Variants in CSMD1 observed in about 807,000 individuals in gnomAD.
CSMD1 encodes the protein CUB and sushi domain-containing protein 1.
CSMD1 carries 213 observed loss-of-function variants against 417.5 expected under a neutral mutation model. That is an observed-to-expected ratio of 0.51 (90% CI 0.46 to 0.57). The LOEUF is 0.57. Among genes scored for constraint, CSMD1 ranks in the 20% least tolerant of loss-of-function variants. The pLI, the probability that CSMD1 is intolerant of heterozygous loss-of-function variation, is 0.00. For missense variants in CSMD1, 6,923 were observed against 4,529.7 expected, an observed-to-expected ratio of 1.53 and a Z score of -15.17; for synonymous variants, 2,862 against 1,736.8, an observed-to-expected ratio of 1.65 and a Z score of -16.11.
Position 3,795,846 on chromosome 8 carries a change from G to A in CSMD1, c.819-41804C>T, listed in dbSNP as rs574159379. On this transcript the variant is annotated intron_variant, in intron 5 of 69. Coordinates refer to ENST00000635120, the MANE Select transcript of CSMD1 (RefSeq NM_033225.6). ...TATATATCTATCATGTACAGATATA[G>A]ATATATATCTATCATGTACAGATAT... Among the ~76,000 whole-genome samples, 50 of 62,380 alleles carry A rather than the reference G, an allele frequency of 8.0e-4. 8 individuals carry two copies. The East Asian group carries it at 0.016, about 20-fold the overall frequency. The allele number at this position is 62,380 out of a possible 152,430, so 40.9% of individuals were successfully genotyped here. A position where few individuals can be genotyped will look rare whatever the true frequency, so the allele number is the denominator to read the frequency against.
intron 5 of CSMD1, among the ~76,000 whole-genome samples, chr8:3,936,226 G>A (rs1268741481): frequency 1.3e-5 from 2 of 151,446 alleles, no homozygotes; most frequent in East Asian, 3.9e-4. Context: ...AAAGGGCAAG[G>A]TAAAGCAGCA....
chr8:4,808,100 G>A (rs1399126472), intron 1 of CSMD1, among the ~76,000 whole-genome samples: 3 of 152,102 alleles, frequency 2.0e-5, no homozygotes, highest in African/African-American at 7.2e-5. Flanking sequence ...ATGCTTACTT[G>A]CAATTATGTT....
intron 1 of CSMD1, among the ~76,000 whole-genome samples, chr8:4,900,027 T>C (rs1804764545): frequency 6.6e-6 from 1 of 152,180 alleles, no homozygotes; most frequent in African/African-American, 2.4e-5. Flanking sequence ...TCTTCTCTCT[T>C]CCTCAAAATA....
chr8:3,802,311 A>T (rs939243463), intron 5 of CSMD1, among the ~76,000 whole-genome samples: 3 of 152,128 alleles, frequency 2.0e-5, no homozygotes, highest in African/African-American at 7.2e-5. Flanking sequence ...TACTATTGCC[A>T]TTTATTATAG....
intron 2 of CSMD1, among the ~76,000 whole-genome samples, chr8:4,491,958 G>A (rs192890381): frequency 2.1e-4 from 32 of 149,716 alleles, no homozygotes; most frequent in Admixed American, 4.0e-4. Context: ...CCAAAAATTG[G>A]AAGTAACCAA....
chr8:3,359,490 T>C (rs1809014937), intron 20 of CSMD1, 150 bp from the exon 21 acceptor site: 1 of 609,434 alleles, frequency 1.6e-6, no homozygotes, highest in East Asian at 2.8e-5. Context: ...TACGTGCATT[T>C]TTTTTCTTGT....
At chr8:3,122,592 G>C (rs954785943) in intron 41 of CSMD1, among the ~76,000 whole-genome samples, 4 of 152,182 alleles carry the variant, frequency 2.6e-5, no homozygotes, top group Non-Finnish European at 5.9e-5. Context: ...AATTGCATCA[G>C]AGGGTCCAAT....
intron 10 of CSMD1, among the ~76,000 whole-genome samples, chr8:3,556,710 G>A (rs1216147375): frequency 2.0e-5 from 3 of 151,872 alleles, no homozygotes; most frequent in Admixed American, 6.6e-5. Context: ...TGAAAAGTAT[G>A]ACTTAACATT....
chr8:3,940,111 C>G lies in CSMD1; in HGVS notation c.818+57792G>C, dbSNP rs146326600. ...AATGCAGATACGCCTTACACATTTT[C>G]TTTTATAAAGTAAATAGTACTACTA... On this transcript the variant is annotated intron_variant, in intron 5 of 69. Transcript: ENST00000635120. Among the ~76,000 whole-genome samples the G allele has an allele frequency of 3.3e-5, 5 of 152,134 alleles. No homozygotes were observed. In the East Asian group the frequency reaches 7.7e-4, roughly 24 times the overall value.
chr8:3,185,380 G>C (rs1027803777), intron 36 of CSMD1, among the ~76,000 whole-genome samples: 4 of 152,058 alleles, frequency 2.6e-5, no homozygotes, highest in Admixed American at 6.6e-5. Flanking sequence ...ACTATTATTA[G>C]TAAGGCATTT....
chr8:3,473,430 T>C (rs1817222256), intron 11 of CSMD1, among the ~76,000 whole-genome samples: 1 of 152,206 alleles, frequency 6.6e-6, no homozygotes. Flanking sequence ...AAAGCACTTT[T>C]TATTTTTAAA....
At chr8:4,595,387 C>CTTTTTTTTTTTTTTTTTTTTTTTTTTT in intron 2 of CSMD1, among the ~76,000 whole-genome samples, 14 of 147,406 alleles carry the variant, frequency 9.5e-5, no homozygotes, top group East Asian at 2.0e-4. Flanking sequence ...CATTCATTTT[C>CTTTTTTTTTTTTTTTTTTTTTTTTTTT]ATTCCATCCA....
intron 2 of CSMD1, among the ~76,000 whole-genome samples, chr8:4,621,562 G>C (rs934159766): frequency 2.0e-5 from 3 of 151,974 alleles, no homozygotes; most frequent in Non-Finnish European, 2.9e-5. Flanking sequence ...TTTTATTTAA[G>C]ATTTCTAAAA....
At chr8:4,775,578 A>G (rs1563353599) in intron 1 of CSMD1, among the ~76,000 whole-genome samples, 1 of 152,220 alleles carries the variant, frequency 6.6e-6, no homozygotes, top group Non-Finnish European at 1.5e-5. Flanking sequence ...AAGACAGAAT[A>G]AAAAAGATAT....
At chr8:4,268,073 T>A (rs1267703063) in intron 3 of CSMD1, among the ~76,000 whole-genome samples, 4 of 152,090 alleles carry the variant, frequency 2.6e-5, no homozygotes, top group Admixed American at 6.6e-5. Flanking sequence ...ATCCTCGCAA[T>A]CCACAAATTG....
At chr8:3,002,733 A>G (rs138454750) in intron 52 of CSMD1, among the ~76,000 whole-genome samples, 102 of 152,306 alleles carry the variant, frequency 6.7e-4, no homozygotes, top group African/African-American at 2.3e-3. Flanking sequence ...GAACCTGGCA[A>G]ACAAGGACTT....
At chr8:4,806,335 C>T (rs943447122) in intron 1 of CSMD1, among the ~76,000 whole-genome samples, 2 of 152,166 alleles carry the variant, frequency 1.3e-5, no homozygotes, top group African/African-American at 4.8e-5. Flanking sequence ...GGGAGGCTGG[C>T]TCTGTCAGTT....
chr8:3,377,607 T>C (rs1810392293), intron 18 of CSMD1, among the ~76,000 whole-genome samples: 3 of 152,278 alleles, frequency 2.0e-5, no homozygotes, highest in African/African-American at 4.8e-5. Flanking sequence ...CTATTGATCC[T>C]TCACTCAGTT....
At chr8:2,980,230 C>G (rs1805285174) in intron 54 of CSMD1, among the ~76,000 whole-genome samples, 2 of 152,212 alleles carry the variant, frequency 1.3e-5, no homozygotes, top group South Asian at 2.1e-4. Flanking sequence ...GAGTGGAAGA[C>G]TTTGACCATC....
Sources: allele counts gnomAD v4.1 joint callset (sites outside exome capture counted in the v4.1 genomes callset), GRCh38; gene constraint gnomAD v4.1.1; transcripts MANE v1.5; gene names NCBI Gene and HGNC (gene_info 2026-07-23, HGNC 2026-07-21).